Variants in CCDC148 observed in about 807,000 individuals in gnomAD.
CCDC148 encodes the protein coiled-coil domain containing 148, also known as coiled-coil domain-containing protein 148.
CCDC148 carries 89 observed loss-of-function variants against 85.7 expected under a neutral mutation model. The observed-to-expected ratio is 1.04, with a 90% confidence interval of 0.87 to 1.24. CCDC148 has a LOEUF of 1.24. Among genes scored for constraint, CCDC148 ranks in the 50% most tolerant of loss-of-function variants. The pLI is 0.00. For missense variants in CCDC148, 692 were observed against 671.7 expected (o/e 1.03, Z -0.33); for synonymous variants, 230 against 213.9 (o/e 1.08, Z -0.66).
intron 7 of CCDC148, among the ~76,000 whole-genome samples, chr2:158,335,511 G>A (rs1159684105): frequency 6.6e-6 from 1 of 152,036 alleles, no homozygotes; most frequent in Non-Finnish European, 1.5e-5. Flanking sequence ...CACATGGCTG[G>A]GGAGGCCTCA....
chr2:158,212,774 C>T lies in CCDC148; in HGVS notation c.1370+7821G>A, dbSNP rs560815113. On this transcript the variant is annotated intron_variant, in intron 11 of 13. Coordinates refer to ENST00000283233, the MANE Select transcript of CCDC148 (RefSeq NM_138803.4). ...TAACTGGGTTGTTAGAAAAATAACA[C>T]GCAAAATTTTTACTTGAAGTGGTTT... Among the ~76,000 whole-genome samples, 8 of 152,084 alleles carry T rather than the reference C, an allele frequency of 5.3e-5. No individual in the cohort carries two copies. The East Asian group carries it at 7.7e-4, about 15-fold the overall frequency.
chr2:158,186,556 C>T (rs1685165250), intron 11 of CCDC148, among the ~76,000 whole-genome samples: 1 of 152,078 alleles, frequency 6.6e-6, no homozygotes, highest in African/African-American at 2.4e-5. Context: ...TAATAACCAA[C>T]CACCTTCCAC....
chr2:158,212,573 A>G (rs905023381), intron 11 of CCDC148, among the ~76,000 whole-genome samples: 1 of 152,192 alleles, frequency 6.6e-6, no homozygotes, highest in Non-Finnish European at 1.5e-5. Flanking sequence ...AGCTGGCTCT[A>G]GTCTCTTCCT....
chr2:158,403,447 T>C (rs1004788762), intron 1 of CCDC148, among the ~76,000 whole-genome samples: 2 of 152,050 alleles, frequency 1.3e-5, no homozygotes, highest in Non-Finnish European at 2.9e-5. Context: ...TGAGGGAAAG[T>C]ACCTGCAACA....
At chr2:158,386,611 C>T (rs1013318815) in intron 1 of CCDC148, among the ~76,000 whole-genome samples, 5 of 152,202 alleles carry the variant, frequency 3.3e-5, no homozygotes, top group Admixed American at 6.5e-5. Context: ...AAGAGAGATG[C>T]TCCAAACTCC....
chr2:158,398,187 A>T (rs562309213), intron 1 of CCDC148, among the ~76,000 whole-genome samples: 62 of 152,252 alleles, frequency 4.1e-4, no homozygotes, highest in African/African-American at 1.4e-3. Flanking sequence ...GGGAGACTTT[A>T]ACACCCCACT....
intron 9 of CCDC148, among the ~76,000 whole-genome samples, chr2:158,283,643 T>C (rs1690456665): frequency 1.3e-5 from 2 of 152,098 alleles, no homozygotes; most frequent in African/African-American, 4.8e-5. Context: ...CTGGAGAGGA[T>C]GTGGAGAAAT....
chr2:158,406,392 T>TGGG (rs1037626898), intron 1 of CCDC148, among the ~76,000 whole-genome samples: 1 of 151,918 alleles, frequency 6.6e-6, no homozygotes, highest in African/African-American at 2.4e-5. Context: ...CAGGTCCTAG[T>TGGG]GGGGGGCTGG....
In CCDC148 at chr2:158,229,330, T is replaced by A. The variant is rs184750908; in HGVS notation, c.1252-8617A>T. Among the ~76,000 whole-genome samples the A allele has an allele frequency of 3.3e-5, 5 of 152,288 alleles. No homozygotes were observed. The South Asian group carries it at 1.0e-3, about 32-fold the overall frequency. On this transcript the variant is annotated intron_variant, in intron 10 of 13. Transcript: ENST00000283233. ...CTCATCACAAGGCTTTGCTAATTAA[T>A]ATACTTTTCTTCTGTCCCACTAGGC...
intron 13 of CCDC148, among the ~76,000 whole-genome samples, chr2:158,172,913 G>C (rs927268321): frequency 6.6e-6 from 1 of 152,004 alleles, no homozygotes; most frequent in Non-Finnish European, 1.5e-5. Flanking sequence ...ATGATAAGAA[G>C]GTGGCCACAT....
chr2:158,370,817 T>C (rs1002683288), intron 1 of CCDC148, among the ~76,000 whole-genome samples: 1 of 148,928 alleles, frequency 6.7e-6, no homozygotes, highest in East Asian at 2.0e-4. Context: ...ACAAAATATC[T>C]AGGAATAAAC....
chr2:158,341,317 T>C (rs1309263660), intron 3 of CCDC148, among the ~76,000 whole-genome samples: 1 of 151,630 alleles, frequency 6.6e-6, no homozygotes, highest in African/African-American at 2.4e-5. Context: ...ATATTTTTTT[T>C]TTTTTTTTGG....
intron 1 of CCDC148, among the ~76,000 whole-genome samples, chr2:158,441,897 C>T (rs1687949385): frequency 6.6e-6 from 1 of 152,070 alleles, no homozygotes; most frequent in Non-Finnish European, 1.5e-5. Flanking sequence ...TATGTGCCTT[C>T]TTTTCATATG....
At chr2:158,219,653 T>G (rs1466088198) in intron 11 of CCDC148, among the ~76,000 whole-genome samples, 1 of 152,230 alleles carries the variant, frequency 6.6e-6, no homozygotes, top group South Asian at 2.1e-4. Flanking sequence ...CCATTAAGCC[T>G]TGCAAGCATC....
chr2:158,186,868 C>A (rs555349870), intron 11 of CCDC148, among the ~76,000 whole-genome samples: 1 of 152,128 alleles, frequency 6.6e-6, no homozygotes, highest in East Asian at 1.9e-4. Context: ...TCATTCTCTC[C>A]CCAGCTTTGG....
chr2:158,380,919 G>GAA (rs1684843913), intron 1 of CCDC148: 3 of 152,068 alleles, frequency 2.0e-5, no homozygotes, highest in Non-Finnish European at 4.4e-5. Flanking sequence ...TACCCACATG[G>GAA]AAAAAGTGAT....
intron 1 of CCDC148, among the ~76,000 whole-genome samples, chr2:158,450,543 T>C (rs1688365511): frequency 6.6e-6 from 1 of 152,252 alleles, no homozygotes; most frequent in African/African-American, 2.4e-5. Context: ...TTACGGTAAG[T>C]GTCACCTTCA....
At chr2:158,273,829 C>G in intron 9 of CCDC148, among the ~76,000 whole-genome samples, 1 of 152,112 alleles carries the variant, frequency 6.6e-6, no homozygotes, top group African/African-American at 2.4e-5. Flanking sequence ...AATTTAGGTT[C>G]AGCATGATCT....
chr2:158,274,244 C>T (rs1689824400), intron 9 of CCDC148, among the ~76,000 whole-genome samples: 1 of 152,136 alleles, frequency 6.6e-6, no homozygotes. Context: ...AGGCTTCACC[C>T]CAGAATCGGC....
Sources: allele counts gnomAD v4.1 joint callset (sites outside exome capture counted in the v4.1 genomes callset), GRCh38; gene constraint gnomAD v4.1.1; transcripts MANE v1.5; gene names NCBI Gene and HGNC (gene_info 2026-07-23, HGNC 2026-07-21).